FHIT: variants seen among roughly 807,000 people sequenced by gnomAD.
FHIT encodes the protein bis(5'-adenosyl)-triphosphatase.
In FHIT, 19 loss-of-function variants were observed where a neutral mutation model predicts 17.9. That is an observed-to-expected ratio of 1.06 (90% confidence interval 0.74 to 1.56). The LOEUF (loss-of-function observed/expected upper bound fraction) is 1.56, where lower values mean the gene tolerates loss of function less well. Ranked by LOEUF, FHIT falls within the 40% of genes most tolerant of loss-of-function variation. The probability of loss-of-function intolerance (pLI) is 0.00; values close to 1 mark genes in which losing one functional copy is unlikely to be tolerated. For synonymous variants in FHIT, 81 were observed against 69.7 expected (o/e 1.16, Z -0.81); for missense variants, 248 against 189.2 (o/e 1.31, Z -1.82).
intron 5 of FHIT, among the ~76,000 whole-genome samples, chr3:60,029,983 T>C (rs1700933929): frequency 6.6e-6 from 1 of 151,654 alleles, no homozygotes; most frequent in South Asian, 2.1e-4. Context: ...TTTATGATAG[T>C]TTTTGTTATC....
chr3:61,050,138 T>C (rs1459769647), intron 2 of FHIT, among the ~76,000 whole-genome samples: 1 of 152,210 alleles, frequency 6.6e-6, no homozygotes, highest in Admixed American at 6.5e-5. Flanking sequence ...TTATATTAAA[T>C]AAATCGGTTT....
chr3:59,848,279 A>G (rs535053391), intron 8 of FHIT, among the ~76,000 whole-genome samples: 6 of 152,310 alleles, frequency 3.9e-5, no homozygotes, highest in African/African-American at 1.4e-4. Flanking sequence ...TCAGGCCTTC[A>G]GTGGACTCCA....
At position 60,346,439 on chromosome 3, in the gene FHIT, T is replaced by C. The variant is rs540732851; in HGVS notation, c.103+190421A>G. On this transcript the variant is annotated intron_variant, in intron 5 of 9. Transcript: ENST00000492590. ...CCAAAGCAGACTGGAGCCAGATATG[T>C]GCACTGAGGGAAGTGGGTGGAGCCA... Among the ~76,000 whole-genome samples the C allele has an allele frequency of 2.4e-3, 359 of 152,274 alleles. 2 individuals are homozygous for C. The highest frequency in any genetic ancestry group is 4.3e-3 in the Non-Finnish European group (295 of 68,020).
intron 2 of FHIT, among the ~76,000 whole-genome samples, chr3:61,186,562 T>C (rs1302037671): frequency 1.3e-5 from 2 of 152,340 alleles, no homozygotes; most frequent in Non-Finnish European, 1.5e-5. Flanking sequence ...ATGAGGATCC[T>C]GAGACAGTCT....
chr3:60,354,249 T>C (rs1353151813), intron 5 of FHIT, among the ~76,000 whole-genome samples: 4 of 152,186 alleles, frequency 2.6e-5, no homozygotes, highest in Non-Finnish European at 5.9e-5. Context: ...TGCACATTAA[T>C]AGTATTAGTC....
chr3:60,855,616 A>C (rs1703350637), intron 3 of FHIT, among the ~76,000 whole-genome samples: 2 of 152,118 alleles, frequency 1.3e-5, no homozygotes, highest in South Asian at 4.1e-4. Flanking sequence ...CTATCACTTT[A>C]ATTTTCTGTT....
Position 60,014,079 on chromosome 3 carries a change from A to C in FHIT, c.177T>G (p.Phe59Leu). Residue 59 changes from phenylalanine (F) to leucine (L), a missense_variant, in exon 6 of 10, where the codon TTT (phenylalanine) becomes TTG (leucine). By Grantham distance (22) the Phe-to-Leu change is conservative. Transcript: ENST00000492590. ...CTGTCCCGACTCTCTGGGTCGTCTG[A>C]AACAAATCGGCCACTTCATCAGGAC... ...DLRPDEVADLFQTTQRVGTVV... is the reference protein window; with the variant it reads ...DLRPDEVADLLQTTQRVGTVV... 3 of 1,614,064 alleles carry C rather than the reference A, an allele frequency of 1.9e-6. No homozygotes were observed. The highest frequency in any genetic ancestry group is 2.5e-6 in the Non-Finnish European group (3 of 1,179,984).
At position 60,400,824 on chromosome 3, in the gene FHIT, G is replaced by A. The variant is rs147827155; in HGVS notation, c.103+136036C>T. On this transcript the variant is annotated intron_variant, in intron 5 of 9. Transcript: ENST00000492590. ...TGCGAAATCTCAGTGAGAGGATTTTGTTAGTCTAAATTCAAAGTCTCTAAA... is the reference window on the plus strand; with the variant it reads ...TGCGAAATCTCAGTGAGAGGATTTTATTAGTCTAAATTCAAAGTCTCTAAA... Among the ~76,000 whole-genome samples the A allele has an allele frequency of 2.0e-5, 3 of 152,176 alleles. No homozygotes were observed. The East Asian group carries it at 5.8e-4, about 29-fold the overall frequency.
At chr3:60,087,270 T>C (rs977533878) in intron 5 of FHIT, among the ~76,000 whole-genome samples, 1 of 152,212 alleles carries the variant, frequency 6.6e-6, no homozygotes, top group Non-Finnish European at 1.5e-5. Context: ...TCTGGGCCTA[T>C]GATAGGAGGG....
At chr3:60,952,427 C>G (rs1708928916) in intron 3 of FHIT, among the ~76,000 whole-genome samples, 1 of 152,096 alleles carries the variant, frequency 6.6e-6, no homozygotes, top group African/African-American at 2.4e-5. Context: ...CCTAGGAATC[C>G]ATGGAGTTTC....
At chr3:60,184,078 C>T (rs1402800267) in intron 5 of FHIT, among the ~76,000 whole-genome samples, 1 of 151,724 alleles carries the variant, frequency 6.6e-6, no homozygotes, top group Non-Finnish European at 1.5e-5. Flanking sequence ...GCCTCAAACT[C>T]CTGGGCTCAA....
At chr3:60,878,455 C>T (rs951927741) in intron 3 of FHIT, among the ~76,000 whole-genome samples, 3 of 152,028 alleles carry the variant, frequency 2.0e-5, no homozygotes, top group African/African-American at 4.8e-5. Context: ...CCACTGAGGA[C>T]ATTAACAACC....
At chr3:59,948,835 G>A (rs1706969335) in intron 7 of FHIT, among the ~76,000 whole-genome samples, 1 of 147,960 alleles carries the variant, frequency 6.8e-6, no homozygotes, top group Admixed American at 6.7e-5. Flanking sequence ...CTATCATAAA[G>A]TTTTTTTTTT....
intron 2 of FHIT, among the ~76,000 whole-genome samples, chr3:61,096,069 T>C (rs950846957): frequency 1.3e-5 from 2 of 152,328 alleles, no homozygotes; most frequent in East Asian, 1.9e-4. Context: ...CCCTTTTTGC[T>C]ACTGACAGAC....
chr3:60,957,901 T>G (rs34827609), intron 3 of FHIT, among the ~76,000 whole-genome samples: 1 of 152,108 alleles, frequency 6.6e-6, no homozygotes, highest in Non-Finnish European at 1.5e-5. Flanking sequence ...CCTTCTCTGT[T>G]CTTAACACCT....
intron 2 of FHIT, among the ~76,000 whole-genome samples, chr3:61,198,533 G>GT (rs2038918786): frequency 8.3e-6 from 1 of 119,996 alleles, no homozygotes. Flanking sequence ...AAAAAAATTG[G>GT]TGGGGGGGTT....
intron 5 of FHIT, among the ~76,000 whole-genome samples, chr3:60,374,600 G>A (rs1321348697): frequency 6.7e-6 from 1 of 149,878 alleles, no homozygotes; most frequent in Non-Finnish European, 1.5e-5. Flanking sequence ...ACACATACTA[G>A]ATTACCTACA....
intron 4 of FHIT, among the ~76,000 whole-genome samples, chr3:60,722,824 A>C (rs62249273): frequency 0.19 from 29,121 of 150,890 alleles, 3,015 homozygotes; most frequent in African/African-American, 0.24. Context: ...CAGGATTCAA[A>C]TGATTCTCCT....
intron 5 of FHIT, among the ~76,000 whole-genome samples, chr3:60,055,367 G>C (rs1702039349): frequency 6.6e-6 from 1 of 151,212 alleles, no homozygotes; most frequent in Non-Finnish European, 1.5e-5. Context: ...ATGAGAAAAA[G>C]AAATAAGCAC....
Sources: gnomAD v4.1 joint callset for allele counts (sites outside exome capture counted in the v4.1 genomes callset) on GRCh38, gnomAD v4.1.1 for gene constraint, MANE v1.5 for transcripts, NCBI Gene and HGNC (gene_info 2026-07-23, HGNC 2026-07-21) for gene names.